Variants in STON2 observed in about 807,000 individuals in gnomAD.
The protein encoded by STON2 is stonin-2.
A neutral mutation model predicts 65.7 loss-of-function variants in STON2; 29 were observed. That is an observed-to-expected ratio of 0.44 (90% CI 0.33 to 0.60). The LOEUF (loss-of-function observed/expected upper bound fraction) is 0.60, where lower values mean the gene tolerates loss of function less well. Ranked by LOEUF, STON2 falls within the 20% of genes least tolerant of loss-of-function variation. The probability of loss-of-function intolerance (pLI) is 0.03; values close to 1 mark genes in which losing one functional copy is unlikely to be tolerated. For missense variants in STON2, 1,054 were observed against 1,118.1 expected (o/e 0.94, Z 0.82); for synonymous variants, 404 against 414.2 (o/e 0.98, Z 0.30).
At chr14:81,386,352 C>T (rs1899803710) in intron 3 of STON2, among the ~76,000 whole-genome samples, 1 of 152,118 alleles carries the variant, frequency 6.6e-6, no homozygotes, top group South Asian at 2.1e-4. Context: ...ACTCACTACC[C>T]CCATTAGCCA....
chr14:81,268,422 C>T lies in STON2; in HGVS notation c.2860G>A (p.Val954Met). The T allele has an allele frequency of 1.6e-6, 2 of 1,289,610 alleles. No homozygotes were observed. The highest frequency in any genetic ancestry group is 2.0e-6 in the Non-Finnish European group (2 of 988,708). 79.9% of individuals were successfully genotyped at this position (1,289,610 alleles called of 1,614,324 possible). A position where few individuals can be genotyped will look rare whatever the true frequency, so the allele number is the denominator to read the frequency against. Residue 954 changes from valine (V) to methionine (M), a missense_variant, in exon 8 of 8, where the codon GTG (valine) becomes ATG (methionine). By Grantham distance (21) the Val-to-Met change is conservative. Coordinates refer to ENST00000614646, the MANE Select transcript of STON2 (RefSeq NM_001394390.1). ...DEMENPKECG[V>M]Q is the part of the protein sequence containing the mutation. The stretch of plus-strand genomic sequence containing the variant: ...CTTGCCGCAAGGCTTTGTCACTGCA[C>T]TCCACACTCCTTGGGATTTTCCATT...
At chr14:81,380,747 CA>C (rs1484215774) in intron 3 of STON2, among the ~76,000 whole-genome samples, 1 of 152,128 alleles carries the variant, frequency 6.6e-6, no homozygotes, top group African/African-American at 2.4e-5. Flanking sequence ...CACATGTTCT[CA>C]CTTGTAAATG....
intron 4 of STON2, among the ~76,000 whole-genome samples, chr14:81,336,349 G>C (rs1484818346): frequency 6.6e-6 from 1 of 152,070 alleles, no homozygotes; most frequent in African/African-American, 2.4e-5. Context: ...GCTTAGTGGG[G>C]TTGAGTGATT....
intron 4 of STON2, among the ~76,000 whole-genome samples, chr14:81,346,751 C>T (rs2140305168): frequency 6.6e-6 from 1 of 152,050 alleles, no homozygotes; most frequent in East Asian, 1.9e-4. Context: ...TGGAATGAAA[C>T]TAGAAATAAA....
intron 3 of STON2, chr14:81,395,180 T>C (rs987996414): frequency 1.3e-5 from 2 of 152,234 alleles, no homozygotes; most frequent in African/African-American, 4.8e-5. Flanking sequence ...TATCCATGTT[T>C]AACAAATCCT....
intron 3 of STON2, among the ~76,000 whole-genome samples, chr14:81,381,428 C>T (rs2140395611): frequency 6.6e-6 from 1 of 152,116 alleles, no homozygotes; most frequent in Middle Eastern, 3.4e-3. Flanking sequence ...ATAATATGTG[C>T]CACACATTGA....
chr14:81,386,945 T>C (rs958182517), intron 3 of STON2, among the ~76,000 whole-genome samples: 3 of 152,228 alleles, frequency 2.0e-5, no homozygotes, highest in Non-Finnish European at 2.9e-5. Flanking sequence ...GGATGATAGA[T>C]GGGCTGACTG....
chr14:81,379,169 G>A (rs973714385), intron 3 of STON2, among the ~76,000 whole-genome samples: 2 of 152,136 alleles, frequency 1.3e-5, no homozygotes, highest in African/African-American at 4.8e-5. Context: ...ATGTTAGCAA[G>A]GTATGCTTGT....
chr14:81,418,563 G>C (rs1041058748), intron 2 of STON2, among the ~76,000 whole-genome samples: 1 of 152,118 alleles, frequency 6.6e-6, no homozygotes, highest in African/African-American at 2.4e-5. Context: ...GTAAAAAAAA[G>C]GCAAAAAGTT....
At position 81,267,087 on chromosome 14, in the gene STON2, C is replaced by G; in HGVS notation, c.*1327G>C. On this transcript the variant is annotated 3_prime_UTR_variant, in exon 8 of 8. Transcript: ENST00000614646. ...ATATTTTTCATTTCTGCATCATCTA[C>G]AAATCCAATGAAGTGTGCTTTCTGT... 1.0e-6 allele frequency: 1 copy of G among 985,176 alleles called. No individual in the cohort carries two copies. Among genetic ancestry groups the G allele is most frequent in the Non-Finnish European group, 1.2e-6 (1 of 829,762 alleles). 61.0% of individuals were successfully genotyped at this position (985,176 alleles called of 1,614,324 possible).
chr14:81,409,422 A>C (rs1209532607), intron 2 of STON2, among the ~76,000 whole-genome samples: 4 of 79,154 alleles, frequency 5.1e-5, no homozygotes, highest in African/African-American at 2.3e-4. Flanking sequence ...AATAAAAATA[A>C]ATATAAAAAT....
chr14:81,412,907 C>G, intron 2 of STON2: 3 of 615,982 alleles, frequency 4.9e-6, no homozygotes, highest in Non-Finnish European at 8.2e-6. Flanking sequence ...TCCAGCCGGG[C>G]GATGCTTAGC....
At chr14:81,402,768 G>A (rs545391248), upstream of STON2, among the ~76,000 whole-genome samples, 487 of 152,270 alleles carry the variant, frequency 3.2e-3, 2 homozygotes, top group Admixed American at 4.4e-3. Context: ...GCAGACAGTT[G>A]CAAGTCTCCT....
chr14:81,434,361 C>T (rs576651210), intron 1 of STON2, among the ~76,000 whole-genome samples: 8 of 152,264 alleles, frequency 5.3e-5, no homozygotes, highest in African/African-American at 1.9e-4. Flanking sequence ...CAGCAGCAAG[C>T]GTTCAGATCC....
At chr14:81,392,537 G>A (rs533906758) in intron 3 of STON2, among the ~76,000 whole-genome samples, 30 of 152,254 alleles carry the variant, frequency 2.0e-4, no homozygotes, top group African/African-American at 7.2e-4. Flanking sequence ...CCAGGTCCAG[G>A]TGGGCCAAGT....
chr14:81,263,489 TGTC>T lies in STON2; in HGVS notation c.*4922_*4924del, dbSNP rs1429750850. Among the ~76,000 whole-genome samples, 1 of 137,092 alleles carries T rather than the reference TGTC, an allele frequency of 7.3e-6. No homozygotes were observed. 89.9% of individuals were successfully genotyped at this position (137,092 alleles called of 152,430 possible). On this transcript the variant is annotated 3_prime_UTR_variant, in exon 8 of 8. Coordinates refer to ENST00000614646, the MANE Select transcript of STON2 (RefSeq NM_001394390.1). The stretch of plus-strand genomic sequence containing the variant: ...GGAGGCGGAGGTTGCAGTGAGCCGA[TGTC>T]GTGCCACTGCACTCTAGCCTGGGTG...
At chr14:81,394,028 T>C (rs1055965850) in intron 3 of STON2, among the ~76,000 whole-genome samples, 1 of 152,104 alleles carries the variant, frequency 6.6e-6, no homozygotes, top group African/African-American at 2.4e-5. Context: ...CTGTCTCTAC[T>C]AAAAATACAA....
rs1256470950 is a variant in STON2, at chr14:81,263,554, A to AC, written c.*4859_*4860insG. On this transcript the variant is annotated 3_prime_UTR_variant, in exon 8 of 8. Coordinates refer to ENST00000614646, the MANE Select transcript of STON2 (RefSeq NM_001394390.1). ...CTCCGTCTCAAAAAAAAAAAAAAAA[A>AC]AAAAAACAAAAAAGAAAATGCTATT... 1,459 of 192,020 alleles carry AC rather than the reference A, an allele frequency of 7.6e-3. 25 individuals carry two copies. The highest frequency in any genetic ancestry group is 0.034 in the African/African-American group (1,397 of 41,090). The allele number at this position is 192,020 out of a possible 1,614,324, so 11.9% of individuals were successfully genotyped here.
Position 81,349,178 on chromosome 14 carries a change from G to C in STON2, c.571+21810C>G, listed in dbSNP as rs931140281. On this transcript the variant is annotated intron_variant, in intron 4 of 7. Transcript: ENST00000614646. ...AGAAACACCCCACGGCATTGGTCTA[G>C]GCAAAGATTTTATGGCTAAGACCTC... Among the ~76,000 whole-genome samples the C allele has an allele frequency of 2.6e-5, 4 of 152,174 alleles. No individual in the cohort carries two copies. The East Asian group carries it at 7.7e-4, about 29-fold the overall frequency.
Sources: allele counts gnomAD v4.1 joint callset (sites outside exome capture counted in the v4.1 genomes callset), GRCh38; gene constraint gnomAD v4.1.1; transcripts MANE v1.5; gene names NCBI Gene and HGNC (gene_info 2026-07-23, HGNC 2026-07-21).